The following DBF4B variants were observed in gnomAD, a reference collection of about 807,000 sequenced individuals.
The protein encoded by DBF4B is DBF4B-CDC7 kinase regulatory subunit.
A neutral mutation model predicts 53.4 loss-of-function variants in DBF4B; 49 were observed. The ratio of observed to expected loss-of-function variants is 0.92; its 90% CI spans 0.73 to 1.16. The LOEUF is 1.16. DBF4B is among the 50% of genes most tolerant of loss of function. The pLI is 0.00. For synonymous variants in DBF4B, 257 were observed against 288.7 expected, an observed-to-expected ratio of 0.89 and a Z score of 1.11; for missense variants, 692 against 775.0, an observed-to-expected ratio of 0.89 and a Z score of 1.27.
At chr17:44,728,717 T>G (rs746353902) in intron 3 of DBF4B, among the ~76,000 whole-genome samples, 3 of 151,312 alleles carry the variant, frequency 2.0e-5, no homozygotes, top group African/African-American at 4.9e-5. Flanking sequence ...TTCGGGAGGC[T>G]GATGTAGGAG....
chr17:44,722,984 C>T lies in DBF4B; in HGVS notation c.187C>T (p.Leu63Phe). The T allele has an allele frequency of 6.2e-7, 1 of 1,614,130 alleles. No homozygotes were observed. The highest frequency in any genetic ancestry group is 8.5e-7 in the Non-Finnish European group (1 of 1,179,962). ...CTTGGATCTGCCTGCTGGCAAGAATCTCCAGTTTTTGACGGGGGCCATTCA... is the reference window on the plus strand; with the variant it reads ...CTTGGATCTGCCTGCTGGCAAGAATTTCCAGTTTTTGACGGGGGCCATTCA... ...FYLDLPAGKN[L>F]QFLTGAIQQL... is the part of the protein sequence containing the mutation. The change falls in exon 3 of 14, where the codon CTC (leucine) becomes TTC (phenylalanine). Residue 63 changes from leucine to phenylalanine, a missense_variant. By Grantham distance (22) the Leu-to-Phe change is conservative (BLOSUM62 0). Coordinates refer to ENST00000315005, the MANE Select transcript of DBF4B (RefSeq NM_145663.3).
intron 2 of DBF4B, among the ~76,000 whole-genome samples, chr17:44,721,992 G>C (rs1235902064): frequency 6.6e-6 from 1 of 151,994 alleles, no homozygotes; most frequent in Admixed American, 6.6e-5. Flanking sequence ...AAATTAGCCA[G>C]GCATGGTGGT....
chr17:44,714,337 T>C (rs190547381), intron 2 of DBF4B, among the ~76,000 whole-genome samples: 1 of 152,142 alleles, frequency 6.6e-6, no homozygotes, highest in East Asian at 1.9e-4. Context: ...AATAATACTT[T>C]TGAAAATGAA....
Position 44,731,001 on chromosome 17 carries a change from G to A in DBF4B, c.454G>A (p.Ala152Thr), listed in dbSNP as rs761312763. The A allele has an allele frequency of 6.2e-7, 1 of 1,614,060 alleles. No individual in the cohort carries two copies. Among genetic ancestry groups the A allele is most frequent in the South Asian group, 1.1e-5 (1 of 91,084 alleles). Residue 152 changes from alanine (A) to threonine (T), a missense_variant, in exon 5 of 14, where the codon GCT becomes ACT. Physicochemically the swap from Ala to Thr is moderately conservative, Grantham distance 58 (BLOSUM62 0). This residue lies in a region of DBF4B where 597 missense variants were observed against 665.8 expected (regional missense o/e 0.90). Transcript: ENST00000315005. ...CAGAGGGAAGGAGCTGCTGCAGAAG[G>A]CTATCAGAAACCAGGTGAGCTGGGG... ...LSRGKELLQK[A>T]IRNQGSISGG...
At chr17:44,711,757 A>T (rs764370465) in intron 2 of DBF4B, among the ~76,000 whole-genome samples, 3 of 152,040 alleles carry the variant, frequency 2.0e-5, no homozygotes, top group Non-Finnish European at 4.4e-5. Flanking sequence ...GACCATGGTG[A>T]AACCCCATCT....
At chr17:44,712,599 C>T (rs1194827280) in intron 2 of DBF4B, among the ~76,000 whole-genome samples, 1 of 152,054 alleles carries the variant, frequency 6.6e-6, no homozygotes, top group Admixed American at 6.6e-5. Flanking sequence ...CCACCACGCC[C>T]AGCCAAATTT....
Position 44,752,144 on chromosome 17 carries a change from C to A in DBF4B, c.*891C>A. On this transcript the variant is annotated 3_prime_UTR_variant, in exon 14 of 14. Coordinates refer to ENST00000315005, the MANE Select transcript of DBF4B (RefSeq NM_145663.3). ...GAATGCAGGAGCTAGCTGCCTCCAACTCACTGTGACCTCAGAAAAATGCCT... is the reference window on the plus strand; with the variant it reads ...GAATGCAGGAGCTAGCTGCCTCCAAATCACTGTGACCTCAGAAAAATGCCT... 1 of 717,852 alleles carries A rather than the reference C, an allele frequency of 1.4e-6. No individual in the cohort carries two copies. The highest frequency in any genetic ancestry group is 2.3e-6 in the Non-Finnish European group (1 of 425,918). The allele number at this position is 717,852 out of a possible 1,614,324, so 44.5% of individuals were successfully genotyped here. A position where few individuals can be genotyped will look rare whatever the true frequency, so the allele number is the denominator to read the frequency against.
intron 1 of DBF4B, 181 bp downstream of exon 1, chr17:44,709,020 G>A (rs1972622445): frequency 1.2e-6 from 1 of 840,068 alleles, no homozygotes; most frequent in Non-Finnish European, 1.9e-6. Context: ...AGGTGGCAGA[G>A]GAACGTAGGG....
intron 2 of DBF4B, among the ~76,000 whole-genome samples, chr17:44,713,627 C>T (rs113501700): frequency 0.086 from 13,086 of 151,962 alleles, 619 homozygotes; most frequent in East Asian, 0.14. Context: ...CCAGCTTGGG[C>T]GACAGAGAAA....
In DBF4B at chr17:44,747,388, C is replaced by G; in HGVS notation, c.940-3C>G. 1 of 1,613,680 alleles carries G rather than the reference C, an allele frequency of 6.2e-7. No homozygotes were observed. Among genetic ancestry groups the G allele is most frequent in the Non-Finnish European group, 8.5e-7 (1 of 1,179,842 alleles). On this transcript the variant is annotated splice_polypyrimidine_tract_variant and splice_region_variant and intron_variant, in intron 11 of 13. Transcript: ENST00000315005. ...GCCCTGTGCTCCTCTCCCCCGCCGG[C>G]AGCATCTTCAGAGTGCCCAGCACCG...
intron 3 of DBF4B, among the ~76,000 whole-genome samples, chr17:44,723,423 CG>C (rs1273348629): frequency 6.6e-6 from 1 of 151,986 alleles, no homozygotes; most frequent in Non-Finnish European, 1.5e-5. Flanking sequence ...GTATTTTCAG[CG>C]GTCTCACTAC....
Position 44,751,599 on chromosome 17 carries a change from C to A in DBF4B, c.*346C>A. 1 of 1,352,242 alleles carries A rather than the reference C, an allele frequency of 7.4e-7. No homozygotes were observed. The highest frequency in any genetic ancestry group is 9.5e-7 in the Non-Finnish European group (1 of 1,052,508). 83.8% of individuals were successfully genotyped at this position (1,352,242 alleles called of 1,614,324 possible). A position where few individuals can be genotyped will look rare whatever the true frequency, so the allele number is the denominator to read the frequency against. ...CTCTGCCCCAAAATGCCATGCTCCT[C>A]TCCTGGAAAACACTTGAGTTGATTC... is the stretch of plus-strand genomic sequence containing the variant. On this transcript the variant is annotated 3_prime_UTR_variant, in exon 14 of 14. Coordinates refer to ENST00000315005, the MANE Select transcript of DBF4B (RefSeq NM_145663.3).
chr17:44,719,844 AT>A, intron 2 of DBF4B: 3 of 227,424 alleles, frequency 1.3e-5, no homozygotes, highest in Non-Finnish European at 1.9e-5. Context: ...GAAAGCTTTG[AT>A]TTTTTTCTAA....
chr17:44,713,507 G>C (rs1254269425), intron 2 of DBF4B, among the ~76,000 whole-genome samples: 1 of 151,844 alleles, frequency 6.6e-6, no homozygotes, highest in African/African-American at 2.4e-5. Flanking sequence ...ACAAAAATCA[G>C]TAGGATGTCG....
rs772728862 is a variant in DBF4B, at chr17:44,750,862, C to T, written c.1457C>T (p.Ala486Val). ...TCCCAAGAAAACTCCTTTGCCCCGG[C>T]GGACATTCCTGTTAAGGGCCCACTC... ...HPSQENSFAP[A>V]DIPVKGPLLF... The change falls in exon 14 of 14, where the codon GCG becomes GTG. Residue 486 changes from alanine to valine, a missense_variant. By Grantham distance (64) the Ala-to-Val change is moderately conservative. This residue lies in a region of DBF4B where 597 missense variants were observed against 665.8 expected (regional missense o/e 0.90). Transcript: ENST00000315005. The T allele has an allele frequency of 2.6e-5, 42 of 1,614,056 alleles. No homozygotes were observed. The highest frequency in any genetic ancestry group is 6.6e-5 in the South Asian group (6 of 91,084).
Position 44,747,032 on chromosome 17 carries a change from C to T in DBF4B, c.831-51C>T, listed in dbSNP as rs748167933. The T allele has an allele frequency of 5.1e-6, 8 of 1,555,988 alleles. No individual in the cohort carries two copies. In the South Asian group the frequency reaches 7.8e-5, roughly 15 times the overall value. ...CCAGGCTCTAAGTAGTGGCTCCTCC[C>T]CCCAAGGGCCCCAGCAGTAACCACT... is the stretch of plus-strand genomic sequence containing the variant. On this transcript the variant is annotated intron_variant, in intron 10 of 13. Transcript: ENST00000315005.
In DBF4B at chr17:44,723,540, C is replaced by T. The variant is rs928828603; in HGVS notation, c.225+518C>T. On this transcript the variant is annotated intron_variant, in intron 3 of 13. Transcript: ENST00000315005. ...AGGCCAAGGCAGGTGGATTACTTGA[C>T]GTCAGGAGTTAGGGACTAACTACCC... is the stretch of plus-strand genomic sequence containing the variant. 7.2e-5 allele frequency among the ~76,000 whole-genome samples: 11 copies of T among 151,940 alleles called. No individual in the cohort carries two copies. The South Asian group carries it at 2.3e-3, about 32-fold the overall frequency.
At chr17:44,746,743 C>T (rs530512431) in intron 10 of DBF4B, among the ~76,000 whole-genome samples, 46 of 151,176 alleles carry the variant, frequency 3.0e-4, no homozygotes, top group African/African-American at 1.1e-3. Context: ...GGCTTGAGCC[C>T]AGGAGGTGAA....
chr17:44,726,083 G>A (rs911470364), intron 3 of DBF4B, among the ~76,000 whole-genome samples: 2 of 143,236 alleles, frequency 1.4e-5, no homozygotes, highest in Admixed American at 6.8e-5. Context: ...TCCACCTCCC[G>A]GGTTCAAGCA....
Sources: gnomAD v4.1 joint callset for allele counts (sites outside exome capture counted in the v4.1 genomes callset) on GRCh38, gnomAD v4.1.1 for gene constraint, gnomAD v4.1.1 regional missense constraint, MANE v1.5 for transcripts, NCBI Gene and HGNC (gene_info 2026-07-23, HGNC 2026-07-21) for gene names.